Variants in WDFY2 observed in about 807,000 individuals in gnomAD.
The protein encoded by WDFY2 is WD repeat and FYVE domain-containing protein 2.
In WDFY2, 36 loss-of-function variants were observed where a neutral mutation model predicts 56.4. That is an observed-to-expected ratio of 0.64 (90% CI 0.49 to 0.84). The LOEUF (loss-of-function observed/expected upper bound fraction) is 0.84. Ranked by LOEUF, WDFY2 falls within the 40% of genes least tolerant of loss-of-function variation. The pLI is 0.00. For missense variants in WDFY2, 444 were observed against 512.2 expected, an observed-to-expected ratio of 0.87 and a Z score of 1.29; for synonymous variants, 176 against 183.7, an observed-to-expected ratio of 0.96 and a Z score of 0.34.
intron 3 of WDFY2, among the ~76,000 whole-genome samples, chr13:51,687,901 A>G (rs1956088327): frequency 6.6e-6 from 1 of 152,110 alleles, no homozygotes; most frequent in African/African-American, 2.4e-5. Context: ...ATTCAGAAGG[A>G]TAGGTTTGAA....
chr13:51,729,840 T>C (rs1457106956), intron 6 of WDFY2, among the ~76,000 whole-genome samples: 1 of 152,190 alleles, frequency 6.6e-6, no homozygotes, highest in African/African-American at 2.4e-5. Flanking sequence ...AAACATAAAG[T>C]TTACCATTTT....
intron 1 of WDFY2, among the ~76,000 whole-genome samples, chr13:51,645,795 T>G (rs1280236965): frequency 6.6e-6 from 1 of 152,210 alleles, no homozygotes; most frequent in Non-Finnish European, 1.5e-5. Context: ...CCTTCTTTTC[T>G]TATTCTCTGG....
At chr13:51,736,595 C>T (rs146197914) in intron 6 of WDFY2, among the ~76,000 whole-genome samples, 1,747 of 152,268 alleles carry the variant, frequency 0.011, 37 homozygotes, top group African/African-American at 0.04. Flanking sequence ...TGGGTTCAAG[C>T]GATTCTTCTG....
chr13:51,734,045 A>G (rs2138672564), intron 6 of WDFY2, among the ~76,000 whole-genome samples: 1 of 152,298 alleles, frequency 6.6e-6, no homozygotes, highest in African/African-American at 2.4e-5. Context: ...TTTATTCAAC[A>G]GGCTCTTAGT....
chr13:51,587,782 TGAA>T (rs1953972432), intron 1 of WDFY2: 1 of 152,226 alleles, frequency 6.6e-6, no homozygotes, highest in African/African-American at 2.4e-5. Context: ...GAATTTCAGA[TGAA>T]GAATGGCAGG....
chr13:51,660,341 C>T (rs1387894944), intron 1 of WDFY2, among the ~76,000 whole-genome samples: 6 of 151,492 alleles, frequency 4.0e-5, no homozygotes, highest in South Asian at 4.2e-4. Context: ...GGATTACAGG[C>T]GCACACCACT....
chr13:51,599,945 G>A (rs994988815), intron 1 of WDFY2, among the ~76,000 whole-genome samples: 1 of 151,616 alleles, frequency 6.6e-6, no homozygotes, highest in Non-Finnish European at 1.5e-5. Context: ...CTGCTCTGGG[G>A]CTTGCAGTGC....
chr13:51,642,394 C>A (rs1955184294), intron 1 of WDFY2, among the ~76,000 whole-genome samples: 2 of 150,016 alleles, frequency 1.3e-5, no homozygotes, highest in African/African-American at 4.9e-5. Context: ...CTCAAGTAAT[C>A]CTCCCACCCC....
chr13:51,699,339 CAG>C (rs1206302199), intron 3 of WDFY2, among the ~76,000 whole-genome samples: 1 of 152,182 alleles, frequency 6.6e-6, no homozygotes, highest in African/African-American at 2.4e-5. Context: ...TCTGTCTGTC[CAG>C]AGACTTCCTG....
Position 51,766,768 on chromosome 13 carries a change from TTAAAA to T in WDFY2, c.*7004_*7008del, listed in dbSNP as rs1336961557. The stretch of plus-strand genomic sequence containing the variant: ...CTCAATGCGGAGTTGCCGCCACGGT[TTAAAA>T]TAAATCTCTGTGAAAACCTTTCTGC... On this transcript the variant is annotated 3_prime_UTR_variant, in exon 12 of 12. Coordinates refer to ENST00000298125, the MANE Select transcript of WDFY2 (RefSeq NM_052950.4). The T allele has an allele frequency of 1.3e-5, 2 of 152,374 alleles. No homozygotes were observed. The highest frequency in any genetic ancestry group is 2.1e-4 in the South Asian group (1 of 4,830). 9.4% of individuals were successfully genotyped at this position (152,374 alleles called of 1,614,324 possible).
intron 1 of WDFY2, chr13:51,590,303 C>A (rs982701082): frequency 6.6e-6 from 1 of 152,230 alleles, no homozygotes; most frequent in African/African-American, 2.4e-5. Context: ...AGGTAAAAAT[C>A]ATAGGATTTA....
At chr13:51,758,170 A>C (rs781280039) in intron 10 of WDFY2, 22 bp from the exon 11 acceptor site, 11 of 1,531,860 alleles carry the variant, frequency 7.2e-6, no homozygotes, top group East Asian at 2.3e-5. Flanking sequence ...TTCCCCTCAG[A>C]AGCTTTCTTT....
At chr13:51,668,279 C>T (rs1213573458) in intron 2 of WDFY2, among the ~76,000 whole-genome samples, 3 of 152,118 alleles carry the variant, frequency 2.0e-5, no homozygotes, top group South Asian at 2.1e-4. Context: ...ATTTAGCATA[C>T]TCTTCTTTGA....
At chr13:51,658,522 C>T (rs1328909796) in intron 1 of WDFY2, among the ~76,000 whole-genome samples, 1 of 152,214 alleles carries the variant, frequency 6.6e-6, no homozygotes, top group Non-Finnish European at 1.5e-5. Flanking sequence ...AGGGATGGGG[C>T]TGACAGTTCT....
At chr13:51,625,999 G>A (rs867994200) in intron 1 of WDFY2, among the ~76,000 whole-genome samples, 9 of 152,164 alleles carry the variant, frequency 5.9e-5, no homozygotes, top group South Asian at 2.1e-4. Flanking sequence ...TGGGTGGCCC[G>A]GAGCACCCTG....
chr13:51,640,680 C>G (rs957253579), intron 1 of WDFY2, among the ~76,000 whole-genome samples: 1 of 152,084 alleles, frequency 6.6e-6, no homozygotes, highest in Non-Finnish European at 1.5e-5. Flanking sequence ...GAAACCCTGT[C>G]TCTACTAAAA....
chr13:51,620,456 A>G (rs143198068), intron 1 of WDFY2, among the ~76,000 whole-genome samples: 3 of 151,762 alleles, frequency 2.0e-5, no homozygotes, highest in African/African-American at 7.3e-5. Flanking sequence ...TTCATCTCTC[A>G]TGGCATGATT....
At chr13:51,609,535 G>T (rs1954449773) in intron 1 of WDFY2, among the ~76,000 whole-genome samples, 1 of 151,134 alleles carries the variant, frequency 6.6e-6, no homozygotes, top group Non-Finnish European at 1.5e-5. Flanking sequence ...CCTGGGACAG[G>T]ATGCCTCCTG....
At chr13:51,594,659 C>T (rs925626155) in intron 1 of WDFY2, among the ~76,000 whole-genome samples, 17 of 152,294 alleles carry the variant, frequency 1.1e-4, no homozygotes, top group African/African-American at 3.9e-4. Flanking sequence ...TCTCTCTGTC[C>T]AGGTCATCTG....
Sources: gnomAD v4.1 joint callset for allele counts (sites outside exome capture counted in the v4.1 genomes callset) on GRCh38, gnomAD v4.1.1 for gene constraint, MANE v1.5 for transcripts, NCBI Gene and HGNC (gene_info 2026-07-23, HGNC 2026-07-21) for gene names.